CCDC7: variants seen among roughly 807,000 people sequenced by gnomAD.
CCDC7 encodes the protein coiled-coil domain-containing protein 7.
In CCDC7, 183 loss-of-function variants were observed where a neutral mutation model predicts 196.9. The ratio of observed to expected loss-of-function variants is 0.93; its 90% CI spans 0.82 to 1.05. The LOEUF (loss-of-function observed/expected upper bound fraction) is 1.05, where lower values mean the gene tolerates loss of function less well. Among genes scored for constraint, CCDC7 ranks in the 50% least tolerant of loss-of-function variants. The pLI, the probability that CCDC7 is intolerant of heterozygous loss-of-function variation, is 0.00. For synonymous variants in CCDC7, 525 were observed against 484.6 expected (o/e 1.08, Z -1.10); for missense variants, 1,540 against 1,482.2 (o/e 1.04, Z -0.64).
chr10:32,588,346 G>A (rs2137720538), intron 18 of CCDC7, among the ~76,000 whole-genome samples: 1 of 151,516 alleles, frequency 6.6e-6, no homozygotes, highest in East Asian at 2.0e-4. Flanking sequence ...TTTTGTGAGA[G>A]TGTTTTTCAA....
chr10:32,737,687 GA>G (rs2085095287), intron 28 of CCDC7, among the ~76,000 whole-genome samples: 1 of 152,108 alleles, frequency 6.6e-6, no homozygotes, highest in Admixed American at 6.6e-5. Flanking sequence ...TTTGCCTCAT[GA>G]ATTTTATTGC....
chr10:32,734,907 A>C (rs1323777374), intron 28 of CCDC7, among the ~76,000 whole-genome samples: 3 of 151,914 alleles, frequency 2.0e-5, no homozygotes, highest in Non-Finnish European at 4.4e-5. Context: ...CCAAAAAACA[A>C]ATAAAATTAA....
intron 21 of CCDC7, among the ~76,000 whole-genome samples, chr10:32,682,148 A>G (rs1210462001): frequency 6.6e-6 from 1 of 152,100 alleles, no homozygotes; most frequent in African/African-American, 2.4e-5. Flanking sequence ...CCCAATAGGT[A>G]GTTTTTCAGT....
intron 28 of CCDC7, among the ~76,000 whole-genome samples, chr10:32,759,859 A>G (rs2077139812): frequency 2.6e-5 from 4 of 152,178 alleles, no homozygotes; most frequent in Non-Finnish European, 5.9e-5. Flanking sequence ...ACAAAGGGCT[A>G]ATATCCAGAA....
chr10:32,481,538 C>A (rs1385218671), intron 8 of CCDC7, among the ~76,000 whole-genome samples: 2 of 152,010 alleles, frequency 1.3e-5, no homozygotes, highest in Non-Finnish European at 2.9e-5. Flanking sequence ...ACCCTTTATT[C>A]TGTAGACATA....
At chr10:32,813,661 A>G (rs1472000540) in intron 30 of CCDC7, among the ~76,000 whole-genome samples, 1 of 152,184 alleles carries the variant, frequency 6.6e-6, no homozygotes, top group Non-Finnish European at 1.5e-5. Context: ...GGTTGGGTAT[A>G]TTTTTAGTGT....
At chr10:32,704,468 G>A (rs2079342989) in intron 24 of CCDC7, among the ~76,000 whole-genome samples, 1 of 139,870 alleles carries the variant, frequency 7.1e-6, no homozygotes, top group Admixed American at 6.8e-5. Flanking sequence ...GGACCCACTT[G>A]AGGAGGCAGT....
rs946686737 is a variant in CCDC7 at position 32,642,500 on chromosome 10, C to T, written c.2014+7342C>T. The stretch of plus-strand genomic sequence containing the variant: ...TGCTGTTTGCTGACCGTTGGAAGAG[C>T]GCAGTATTAGTTTGGGAATGACCCA... On this transcript the variant is annotated intron_variant, in intron 20 of 41. Coordinates refer to ENST00000639629, the Ensembl canonical transcript of CCDC7. Among the ~76,000 whole-genome samples the T allele has an allele frequency of 4.6e-5, 7 of 152,138 alleles. No homozygotes were observed. The East Asian group carries it at 7.7e-4, about 17-fold the overall frequency.
chr10:32,492,901 A>AT (rs1283498092), intron 9 of CCDC7, among the ~76,000 whole-genome samples: 1 of 152,086 alleles, frequency 6.6e-6, no homozygotes, highest in Non-Finnish European at 1.5e-5. Flanking sequence ...GTTTGTGAAT[A>AT]TTTTTTCACC....
chr10:32,557,211 A>G (rs993440985), intron 13 of CCDC7, among the ~76,000 whole-genome samples: 2 of 150,306 alleles, frequency 1.3e-5, no homozygotes, highest in Admixed American at 6.6e-5. Flanking sequence ...CTGAGAAGCA[A>G]TTATTAAAAT....
chr10:32,455,985 G>A (rs892619471), intron 2 of CCDC7, among the ~76,000 whole-genome samples: 2 of 151,996 alleles, frequency 1.3e-5, no homozygotes, highest in Admixed American at 1.3e-4. Context: ...GGATTTTCTG[G>A]AACTGTGTAG....
At chr10:32,649,441 G>T (rs1042098705) in intron 20 of CCDC7, among the ~76,000 whole-genome samples, 3 of 152,158 alleles carry the variant, frequency 2.0e-5, no homozygotes, top group African/African-American at 4.8e-5. Flanking sequence ...CTCTCTAGCT[G>T]CCTCTAAGGA....
At chr10:32,788,121 G>C (rs2082138788) in intron 29 of CCDC7, among the ~76,000 whole-genome samples, 1 of 152,118 alleles carries the variant, frequency 6.6e-6, no homozygotes, top group Non-Finnish European at 1.5e-5. Context: ...AGTCTTCTGG[G>C]CTGCCCCAGC....
At chr10:32,859,447 A>G (rs954396997) in intron 41 of CCDC7, among the ~76,000 whole-genome samples, 1 of 152,194 alleles carries the variant, frequency 6.6e-6, no homozygotes, top group African/African-American at 2.4e-5. Context: ...ATAGCACTAA[A>G]TGCCCACAAG....
intron 13 of CCDC7, among the ~76,000 whole-genome samples, chr10:32,550,655 T>C (rs2053326074): frequency 6.6e-6 from 1 of 152,170 alleles, no homozygotes; most frequent in Non-Finnish European, 1.5e-5. Context: ...ACTGAGATGA[T>C]TGTGTGATTT....
chr10:32,706,618 T>C (rs1330757640), intron 24 of CCDC7, among the ~76,000 whole-genome samples: 1 of 151,770 alleles, frequency 6.6e-6, no homozygotes, highest in Non-Finnish European at 1.5e-5. Context: ...ATAGACGCAA[T>C]AAAAAATGAT....
Position 32,518,506 on chromosome 10 carries a change from G to T in CCDC7, c.993+1G>T, listed in dbSNP as rs41276068. The T allele has an allele frequency of 0.09, 144,655 of 1,600,008 alleles. 7,077 individuals are homozygous for T. The highest frequency in any genetic ancestry group is 0.16 in the East Asian group (6,865 of 44,060). On this transcript the variant is annotated splice_donor_variant, in intron 11 of 41. Transcript: ENST00000639629. LOFTEE classifies it high-confidence loss of function. ...ACTACAAAAGTTGAAGGACAAAGAG[G>T]TTGGAAAAATTTTAGTGTTTGAAAA...
downstream of CCDC7, among the ~76,000 whole-genome samples, chr10:32,879,137 T>G (rs2094696344): frequency 6.6e-6 from 1 of 152,114 alleles, no homozygotes; most frequent in South Asian, 2.1e-4. Context: ...CATCGTGGTT[T>G]GCTGCACCCA....
chr10:32,778,222 C>A (rs1354270953), intron 28 of CCDC7, among the ~76,000 whole-genome samples: 1 of 152,078 alleles, frequency 6.6e-6, no homozygotes, highest in Non-Finnish European at 1.5e-5. Context: ...GTTTTTATTG[C>A]AATTGCTTTT....
Sources: gnomAD v4.1 joint callset for allele counts (sites outside exome capture counted in the v4.1 genomes callset) on GRCh38, gnomAD v4.1.1 for gene constraint, MANE v1.5 for transcripts, NCBI Gene and HGNC (gene_info 2026-07-23, HGNC 2026-07-21) for gene names.